WIPF3: variants seen among roughly 807,000 people sequenced by gnomAD.
WIPF3 encodes WAS/WASL interacting protein family member 3.
A neutral mutation model predicts 38.9 loss-of-function variants in WIPF3; 33 were observed. The ratio of observed to expected loss-of-function variants is 0.85; its 90% CI spans 0.64 to 1.14. WIPF3 has a LOEUF of 1.14. Among genes scored for constraint, WIPF3 ranks in the 50% most tolerant of loss-of-function variants. The probability of loss-of-function intolerance (pLI) is 0.00; values close to 1 mark genes in which losing one functional copy is unlikely to be tolerated. For synonymous variants in WIPF3, 324 were observed against 269.3 expected (o/e 1.20, Z -1.99); for missense variants, 711 against 652.5 (o/e 1.09, Z -0.98).
intron 1 of WIPF3, among the ~76,000 whole-genome samples, chr7:29,815,362 T>C (rs372477180): frequency 6.6e-6 from 1 of 152,188 alleles, no homozygotes; most frequent in African/African-American, 2.4e-5. Flanking sequence ...TTCACCCAAA[T>C]GTGTATGTCT....
intron 2 of WIPF3, among the ~76,000 whole-genome samples, chr7:29,868,256 G>T (rs780116051): frequency 1.3e-5 from 2 of 152,184 alleles, no homozygotes; most frequent in African/African-American, 4.8e-5. Flanking sequence ...CTGAGCACAG[G>T]CTTGGAAGTG....
chr7:29,908,098 T>G (rs1267799930), intron 8 of WIPF3, among the ~76,000 whole-genome samples: 1 of 152,158 alleles, frequency 6.6e-6, no homozygotes, highest in African/African-American at 2.4e-5. Flanking sequence ...GATCCAACAG[T>G]ATGCTGTTTA....
In WIPF3 at chr7:29,914,665, T is replaced by G. The variant is rs1337904670; in HGVS notation, c.*149T>G. 2.0e-6 allele frequency: 1 copy of G among 494,112 alleles called. No homozygotes were observed. The highest frequency in any genetic ancestry group is 4.3e-5 in the Admixed American group (1 of 23,424). 30.6% of individuals were successfully genotyped at this position (494,112 alleles called of 1,614,324 possible). ...TGTAAATATGTGATTTGCACGGGCT[T>G]TAAAGCAGTATTTTAATTGACTTTT... On this transcript the variant is annotated 3_prime_UTR_variant, in exon 9 of 9. Coordinates refer to ENST00000242140, the MANE Select transcript of WIPF3 (RefSeq NM_001080529.3).
chr7:29,905,826 C>G (rs1303450056), intron 8 of WIPF3: 1 of 152,080 alleles, frequency 6.6e-6, no homozygotes, highest in African/African-American at 2.4e-5. Flanking sequence ...TCCTCCTGTC[C>G]TTGCTCTTTT....
At chr7:29,852,716 T>C (rs560988216) in intron 2 of WIPF3, among the ~76,000 whole-genome samples, 1 of 152,298 alleles carries the variant, frequency 6.6e-6, no homozygotes, top group East Asian at 1.9e-4. Flanking sequence ...TGCTGCCAAA[T>C]GTAGTTGCCC....
chr7:29,847,605 C>G (rs1562776590), intron 2 of WIPF3, among the ~76,000 whole-genome samples: 1 of 151,850 alleles, frequency 6.6e-6, no homozygotes, highest in Non-Finnish European at 1.5e-5. Flanking sequence ...ATAGACTGAA[C>G]AGGGGAAACC....
chr7:29,858,878 T>G (rs1785231103), intron 2 of WIPF3, among the ~76,000 whole-genome samples: 1 of 152,232 alleles, frequency 6.6e-6, no homozygotes, highest in South Asian at 2.1e-4. Context: ...AATACTTGTT[T>G]CTATTTTCAG....
chr7:29,868,006 A>G (rs1375184715), intron 2 of WIPF3, among the ~76,000 whole-genome samples: 2 of 152,238 alleles, frequency 1.3e-5, no homozygotes, highest in Non-Finnish European at 2.9e-5. Context: ...AATAAGAAGC[A>G]AGACCAATAT....
At chr7:29,872,473 G>C (rs772698966) in intron 2 of WIPF3, among the ~76,000 whole-genome samples, 9 of 152,154 alleles carry the variant, frequency 5.9e-5, no homozygotes, top group Non-Finnish European at 1.2e-4. Context: ...CCGCACAGGA[G>C]AGGAGAGGAT....
chr7:29,896,544 A>C (rs1040692697), intron 7 of WIPF3, among the ~76,000 whole-genome samples: 1 of 152,108 alleles, frequency 6.6e-6, no homozygotes, highest in Non-Finnish European at 1.5e-5. Flanking sequence ...TGAGCCCGGG[A>C]GGTGGAGGTT....
intron 4 of WIPF3, among the ~76,000 whole-genome samples, chr7:29,883,163 C>G (rs1785759015): frequency 6.6e-6 from 1 of 152,132 alleles, no homozygotes; most frequent in African/African-American, 2.4e-5. Context: ...CAAGCTGGGG[C>G]AGATGCAATG....
At chr7:29,862,954 C>T (rs1056585217) in intron 2 of WIPF3, among the ~76,000 whole-genome samples, 6 of 152,184 alleles carry the variant, frequency 3.9e-5, no homozygotes, top group African/African-American at 9.7e-5. Flanking sequence ...TTCTTTCACC[C>T]TCTGTTTTGT....
chr7:29,909,895 C>CA (rs57930525), intron 8 of WIPF3, among the ~76,000 whole-genome samples: 4,787 of 99,504 alleles, frequency 0.048, 100 homozygotes, highest in Middle Eastern at 0.14. Flanking sequence ...AACCCTGTCT[C>CA]AAAAAAAAAA....
rs555729111 is a variant in WIPF3, at chr7:29,914,697, G to A, written c.*181G>A. 3.6e-5 allele frequency: 16 copies of A among 439,352 alleles called. No homozygotes were observed. Among genetic ancestry groups the A allele is most frequent in the African/African-American group, 3.1e-4 (15 of 48,730 alleles). 27.2% of individuals were successfully genotyped at this position (439,352 alleles called of 1,614,324 possible). A position where few individuals can be genotyped will look rare whatever the true frequency, so the allele number is the denominator to read the frequency against. ...AGTATTTTAATTGACTTTTATTTCG[G>A]TAATATTTTTTAAAACACCCCTCAT... On this transcript the variant is annotated 3_prime_UTR_variant, in exon 9 of 9. Transcript: ENST00000242140.
intron 7 of WIPF3, among the ~76,000 whole-genome samples, chr7:29,893,350 G>C (rs1052853237): frequency 3.3e-5 from 5 of 152,194 alleles, no homozygotes; most frequent in African/African-American, 1.2e-4. Flanking sequence ...AGGGTATACA[G>C]GTCTGGGGCT....
rs946967988 is a variant in WIPF3 at position 29,916,832 on chromosome 7, T to C, written c.*2316T>C. ...GACCTATCACTGAATTCACAACCCT[T>C]CGAGCTCATGCTGGTGCACTGAGTC... On this transcript the variant is annotated 3_prime_UTR_variant, in exon 9 of 9. Coordinates refer to ENST00000242140, the MANE Select transcript of WIPF3 (RefSeq NM_001080529.3). 2.0e-5 allele frequency: 3 copies of C among 152,138 alleles called. No individual in the cohort carries two copies. In the East Asian group the frequency reaches 5.8e-4, roughly 29 times the overall value. 9.4% of individuals were successfully genotyped at this position (152,138 alleles called of 1,614,324 possible).
chr7:29,870,883 GGA>G (rs1690609314), intron 2 of WIPF3, among the ~76,000 whole-genome samples: 1 of 151,938 alleles, frequency 6.6e-6, no homozygotes, highest in South Asian at 2.1e-4. Flanking sequence ...CTTGAACCCA[GGA>G]GAGGGAGGTG....
At chr7:29,850,431 C>T (rs970487767) in intron 2 of WIPF3, among the ~76,000 whole-genome samples, 1 of 152,152 alleles carries the variant, frequency 6.6e-6, no homozygotes, top group Non-Finnish European at 1.5e-5. Flanking sequence ...GTTTAGGAGC[C>T]TTGAATTAGG....
At chr7:29,893,718 T>C (rs1342611196) in intron 7 of WIPF3, among the ~76,000 whole-genome samples, 1 of 152,192 alleles carries the variant, frequency 6.6e-6, no homozygotes, top group African/African-American at 2.4e-5. Context: ...AACTGTGCCC[T>C]TGGAAAATGC....
Sources: allele counts gnomAD v4.1 joint callset (sites outside exome capture counted in the v4.1 genomes callset), GRCh38; gene constraint gnomAD v4.1.1; transcripts MANE v1.5; gene names NCBI Gene and HGNC (gene_info 2026-07-23, HGNC 2026-07-21).